DOCK3: variants seen among roughly 807,000 people sequenced by gnomAD.
DOCK3 encodes the protein dedicator of cytokinesis protein 3.
In DOCK3, 60 loss-of-function variants were observed where a neutral mutation model predicts 265.6. That is an observed-to-expected ratio of 0.23 (90% CI 0.18 to 0.28). The LOEUF is 0.28. Among genes scored for constraint, DOCK3 ranks in the 10% least tolerant of loss-of-function variants. The pLI is 1.00. For missense variants in DOCK3, 1,981 were observed against 2,594.3 expected, an observed-to-expected ratio of 0.76 and a Z score of 5.14; for synonymous variants, 881 against 938.0, an observed-to-expected ratio of 0.94 and a Z score of 1.11.
chr3:51,280,302 C>A, intron 27 of DOCK3, 98 bp downstream of exon 27: 1 of 1,131,608 alleles, frequency 8.8e-7, no homozygotes, highest in Non-Finnish European at 1.3e-6. Context: ...AAGTGACTAG[C>A]ATTGCCACGG....
At chr3:50,817,636 C>T (rs1392745764) in intron 2 of DOCK3, among the ~76,000 whole-genome samples, 9 of 152,052 alleles carry the variant, frequency 5.9e-5, no homozygotes, top group East Asian at 3.9e-4. Flanking sequence ...ACTATCTAAA[C>T]GTTATAACTT....
chr3:50,922,678 A>C (rs2050552566), intron 4 of DOCK3, among the ~76,000 whole-genome samples: 1 of 150,034 alleles, frequency 6.7e-6, no homozygotes, highest in Admixed American at 6.6e-5. Flanking sequence ...AACCTCCTCC[A>C]CCTCTGAAGT....
chr3:51,039,324 T>G (rs1051080845), intron 5 of DOCK3, among the ~76,000 whole-genome samples: 2 of 152,128 alleles, frequency 1.3e-5, no homozygotes, highest in Non-Finnish European at 2.9e-5. Context: ...CTAGTTTGCC[T>G]CCAGTTTTTT....
intron 3 of DOCK3, among the ~76,000 whole-genome samples, chr3:50,860,019 C>T (rs2046829575): frequency 6.6e-6 from 1 of 152,118 alleles, no homozygotes; most frequent in Non-Finnish European, 1.5e-5. Flanking sequence ...CTGGTTGTGG[C>T]CAAGGGTCAT....
chr3:51,063,553 C>T (rs2081494722), intron 5 of DOCK3, among the ~76,000 whole-genome samples: 1 of 152,174 alleles, frequency 6.6e-6, no homozygotes, highest in South Asian at 2.1e-4. Context: ...AAATCTCATA[C>T]AGATATTTTA....
At chr3:50,996,083 AG>A (rs2078270716) in intron 5 of DOCK3, among the ~76,000 whole-genome samples, 1 of 151,846 alleles carries the variant, frequency 6.6e-6, no homozygotes, top group Non-Finnish European at 1.5e-5. Flanking sequence ...CATGTTGGCC[AG>A]GCTGGTCTCG....
chr3:50,688,121 A>T (rs1227565537), intron 1 of DOCK3, among the ~76,000 whole-genome samples: 26 of 152,240 alleles, frequency 1.7e-4, no homozygotes, highest in Admixed American at 1.7e-3. Flanking sequence ...AAATGTCCTC[A>T]GCAGCAGGCA....
chr3:51,300,923 G>A lies in DOCK3; in HGVS notation c.2923-9309G>A, dbSNP rs186818467. 2.6e-5 allele frequency among the ~76,000 whole-genome samples: 4 copies of A among 152,304 alleles called. No individual in the cohort carries two copies. In the East Asian group the frequency reaches 7.7e-4, roughly 29 times the overall value. ...CAGGATGATGCTGGCCTCATAAAAT[G>A]AGTTAGGGAGAAGTCCATCCTTTTC... On this transcript the variant is annotated intron_variant, in intron 27 of 52. Coordinates refer to ENST00000266037, the MANE Select transcript of DOCK3 (RefSeq NM_004947.5).
At chr3:50,802,575 T>C (rs1247575011) in intron 2 of DOCK3, among the ~76,000 whole-genome samples, 1 of 152,180 alleles carries the variant, frequency 6.6e-6, no homozygotes, top group Non-Finnish European at 1.5e-5. Context: ...TTATTTTTTC[T>C]TTCAGTACTT....
chr3:51,208,205 C>T (rs766445475), intron 12 of DOCK3, among the ~76,000 whole-genome samples: 1 of 152,222 alleles, frequency 6.6e-6, no homozygotes, highest in South Asian at 2.1e-4. Flanking sequence ...CCTCCTTCCC[C>T]CTGACCACAG....
chr3:51,093,494 G>T (rs1370060966), intron 9 of DOCK3, among the ~76,000 whole-genome samples: 1 of 152,100 alleles, frequency 6.6e-6, no homozygotes, highest in Admixed American at 6.5e-5. Flanking sequence ...TCTATTATTG[G>T]TGTATAGGAA....
intron 7 of DOCK3, among the ~76,000 whole-genome samples, chr3:51,082,581 T>C (rs1346450661): frequency 1.3e-5 from 2 of 152,196 alleles, no homozygotes; most frequent in Non-Finnish European, 2.9e-5. Context: ...AGCCACTGCA[T>C]ACCTGCACAC....
intron 1 of DOCK3, among the ~76,000 whole-genome samples, chr3:50,741,141 A>G (rs2108226620): frequency 6.6e-6 from 1 of 151,446 alleles, no homozygotes; most frequent in South Asian, 2.1e-4. Context: ...CTATATATAT[A>G]TATTATATAT....
At chr3:50,836,209 C>T (rs1418436262) in intron 2 of DOCK3, among the ~76,000 whole-genome samples, 11 of 152,198 alleles carry the variant, frequency 7.2e-5, no homozygotes, top group African/African-American at 1.4e-4. Flanking sequence ...CTAAGCAGTG[C>T]CCCGGGGGGG....
intron 30 of DOCK3, 98 bp downstream of exon 30, chr3:51,312,674 G>T: frequency 7.5e-7 from 1 of 1,326,990 alleles, no homozygotes; most frequent in Non-Finnish European, 1.0e-6. Flanking sequence ...TTCTCAGCTG[G>T]GTGGTTTCCC....
intron 4 of DOCK3, among the ~76,000 whole-genome samples, chr3:50,921,490 T>G (rs944349507): frequency 3.9e-5 from 6 of 152,238 alleles, no homozygotes. Context: ...GCGATGCGTT[T>G]GAACATCCTC....
At chr3:50,863,404 G>A (rs779765709) in intron 3 of DOCK3, 2 of 519,836 alleles carry the variant, frequency 3.8e-6, no homozygotes, top group Admixed American at 1.9e-5. Flanking sequence ...CAATAGCATA[G>A]CTCTGGGTTA....
chr3:50,946,872 A>G (rs764230473), intron 5 of DOCK3, among the ~76,000 whole-genome samples: 30 of 152,218 alleles, frequency 2.0e-4, no homozygotes, highest in Non-Finnish European at 3.1e-4. Flanking sequence ...AAGGTTAAAA[A>G]TTTTATTCCA....
At chr3:50,751,835 A>G (rs1348631276) in intron 1 of DOCK3, among the ~76,000 whole-genome samples, 2 of 152,106 alleles carry the variant, frequency 1.3e-5, no homozygotes, top group African/African-American at 2.4e-5. Context: ...GCAAGCTTGG[A>G]CCTTCTCACA....
Sources: gnomAD v4.1 joint callset for allele counts (sites outside exome capture counted in the v4.1 genomes callset) on GRCh38, gnomAD v4.1.1 for gene constraint, MANE v1.5 for transcripts, NCBI Gene and HGNC (gene_info 2026-07-23, HGNC 2026-07-21) for gene names.